CELF2: variants seen among roughly 807,000 people sequenced by gnomAD.
CELF2 encodes CUGBP Elav-like family member 2.
CELF2 carries 8 observed loss-of-function variants against 62.6 expected under a neutral mutation model. That is an observed-to-expected ratio of 0.13 (90% CI 0.07 to 0.23). The LOEUF is 0.23. Ranked by LOEUF, CELF2 falls within the 10% of genes least tolerant of loss-of-function variation. CELF2 has a pLI of 1.00. For synonymous variants in CELF2, 258 were observed against 250.0 expected (o/e 1.03, Z -0.30); for missense variants, 333 against 671.0 (o/e 0.50, Z 5.56).
the CELF2 span, among the ~76,000 whole-genome samples, chr10:10,563,607 CAAAAAAAA>C: frequency 4.6e-5 from 4 of 86,994 alleles, no homozygotes; most frequent in Non-Finnish European, 1.0e-4. Flanking sequence ...GACTGTGTCT[CAAAAAAAA>C]AAAAAAAAAA....
At chr10:10,841,095 G>T (rs1326253467) in intron 1 of CELF2, among the ~76,000 whole-genome samples, 1 of 152,084 alleles carries the variant, frequency 6.6e-6, no homozygotes, top group Non-Finnish European at 1.5e-5. Context: ...TGTCACTGAT[G>T]GGCATTTGGG....
In CELF2 at chr10:11,099,900, A is replaced by C. The variant is rs568722600; in HGVS notation, c.75-65586A>C. ...CAACAACAACAAAAAAAAAAAAAAA[A>C]AACAGAAAAAACAGCTTAAGCTGGG... On this transcript the variant is annotated intron_variant, in intron 1 of 12. Coordinates refer to ENST00000633077, the MANE Select transcript of CELF2 (RefSeq NM_001326342.2). Among the ~76,000 whole-genome samples, 290 of 150,026 alleles carry C rather than the reference A, an allele frequency of 1.9e-3. 4 individuals carry two copies. The highest frequency in any genetic ancestry group is 3.2e-3 in the Non-Finnish European group (220 of 67,756).
chr10:11,067,326 T>C lies in CELF2; in HGVS notation c.74+49163T>C, dbSNP rs2068440698. Among the ~76,000 whole-genome samples the C allele has an allele frequency of 2.6e-5, 4 of 152,216 alleles. No individual in the cohort carries two copies. The South Asian group carries it at 8.3e-4, about 31-fold the overall frequency. On this transcript the variant is annotated intron_variant, in intron 1 of 12. Transcript: ENST00000633077. ...AGCATTCTGATAGCCAGTGGAAATA[T>C]ATTTTTGAAGTGCCGGTAAAAGGCA...
Position 11,074,625 on chromosome 10 carries a change from C to T in CELF2, c.74+56462C>T, listed in dbSNP as rs141769602. On this transcript the variant is annotated intron_variant, in intron 1 of 12. Transcript: ENST00000633077. The stretch of plus-strand genomic sequence containing the variant: ...GAAAGATGCCCTTCATTCCTGTCTG[C>T]GACGGGGGACTGGTATTATTGGCAG... Among the ~76,000 whole-genome samples the T allele has an allele frequency of 2.0e-3, 309 of 152,234 alleles. 1 individual carries two copies. Among genetic ancestry groups the T allele is most frequent in the African/African-American group, 6.9e-3 (286 of 41,554 alleles).
Position 11,046,717 on chromosome 10 carries a change from C to A in CELF2, c.74+28554C>A, listed in dbSNP as rs185295957. On this transcript the variant is annotated intron_variant, in intron 1 of 12. Transcript: ENST00000633077. This position sits in a 1 kb window ranked among gnomAD's most constrained non-coding sequence, Gnocchi z 4.6. The stretch of plus-strand genomic sequence containing the variant: ...CCATACAGGAATGAGGATTCTCATA[C>A]CTCCCAAAGAGTTTTTGTAAATCCC... Among the ~76,000 whole-genome samples, 43 of 152,314 alleles carry A rather than the reference C, an allele frequency of 2.8e-4. No homozygotes were observed. The highest frequency in any genetic ancestry group is 4.0e-4 in the Non-Finnish European group (27 of 68,036).
chr10:11,217,644 C>G lies in CELF2; in HGVS notation c.354+137C>G. The G allele has an allele frequency of 1.8e-6, 1 of 564,200 alleles. No individual in the cohort carries two copies. Among genetic ancestry groups the G allele is most frequent in the Non-Finnish European group, 3.1e-6 (1 of 319,554 alleles). The allele number at this position is 564,200 out of a possible 1,614,324, so 34.9% of individuals were successfully genotyped here. On this transcript the variant is annotated intron_variant, in intron 3 of 12. Transcript: ENST00000633077. This position sits in a 1 kb window ranked among gnomAD's most constrained non-coding sequence, Gnocchi z 5.6. ...GGAGTGTGTGCTGACCCCCCAGTTC[C>G]CTGCAGCAGCCACACCAGCTGGCCA...
chr10:11,181,144 A>G (rs2073236479), intron 2 of CELF2, among the ~76,000 whole-genome samples: 1 of 152,224 alleles, frequency 6.6e-6, no homozygotes, highest in East Asian at 1.9e-4. Flanking sequence ...TGCTGGGATT[A>G]CAGGGGTAAG....
the CELF2 span, among the ~76,000 whole-genome samples, chr10:10,472,592 T>C: frequency 6.6e-6 from 1 of 151,952 alleles, no homozygotes; most frequent in Non-Finnish European, 1.5e-5. Flanking sequence ...CTCCTGTTTA[T>C]GGCCCATACT....
chr10:10,640,800 A>G, the CELF2 span, among the ~76,000 whole-genome samples: 1 of 152,234 alleles, frequency 6.6e-6, no homozygotes, highest in African/African-American at 2.4e-5. Flanking sequence ...TTAACATGAC[A>G]AAATCCTTGG....
chr10:11,160,232 A>G (rs1439117918), intron 1 of CELF2, among the ~76,000 whole-genome samples: 2 of 152,258 alleles, frequency 1.3e-5, no homozygotes, highest in Non-Finnish European at 2.9e-5. Context: ...TTGTTTTACA[A>G]GTGAGGAAAC....
Position 10,829,950 on chromosome 10 carries a change from G to T in CELF2, c.53+31133G>T, listed in dbSNP as rs1045630282. The stretch of plus-strand genomic sequence containing the variant: ...ACACAACTACCTTTTCCAAAATCCA[G>T]GCAGTAGCAACCTGTAACCCCCCTG... On this transcript the variant is annotated intron_variant, in intron 1 of 13. Transcript: ENST00000636488. Among the ~76,000 whole-genome samples the T allele has an allele frequency of 2.0e-5, 3 of 152,138 alleles. No individual in the cohort carries two copies. The South Asian group carries it at 6.2e-4, about 32-fold the overall frequency.
At position 11,011,775 on chromosome 10, in the gene CELF2, A is replaced by C. The variant is rs536269184; in HGVS notation, c.53+6335A>C. 6.6e-6 allele frequency among the ~76,000 whole-genome samples: 1 copy of C among 152,104 alleles called. No individual in the cohort carries two copies. Among genetic ancestry groups the C allele is most frequent in the African/African-American group, 2.4e-5 (1 of 41,412 alleles). ...AGAGAAAGAAAAAAAATTTCCCCTA[A>C]TGGACTTCATGGGAATTAGCATCAA... On this transcript the variant is annotated intron_variant, in intron 1 of 12. Coordinates refer to the CELF2 transcript ENST00000416382. The surrounding 1 kb of genome is among the most constrained non-coding windows in gnomAD (Gnocchi z 4.6).
intron 12 of CELF2, among the ~76,000 whole-genome samples, chr10:11,327,013 G>T (rs975763347): frequency 6.6e-6 from 1 of 152,142 alleles, no homozygotes; most frequent in Admixed American, 6.5e-5. Context: ...GGTCTAATTT[G>T]TGCTATCACC....
intron 4 of CELF2, among the ~76,000 whole-genome samples, chr10:11,253,815 G>A (rs1173759524): frequency 6.6e-6 from 1 of 152,112 alleles, no homozygotes; most frequent in Non-Finnish European, 1.5e-5. Flanking sequence ...ACTAATCACG[G>A]GGGACCCCAT....
chr10:11,164,572 T>C (rs2133305675), intron 1 of CELF2, among the ~76,000 whole-genome samples: 1 of 152,302 alleles, frequency 6.6e-6, no homozygotes, highest in East Asian at 1.9e-4. Context: ...GTGCAACATC[T>C]GGAAGTCAGA....
At chr10:10,539,184 T>C in the CELF2 span, among the ~76,000 whole-genome samples, 4 of 152,216 alleles carry the variant, frequency 2.6e-5, no homozygotes, top group Non-Finnish European at 4.4e-5. Context: ...GATTTAGAGA[T>C]GGTTTTGTCA....
chr10:11,167,947 C>T (rs1009768156), intron 2 of CELF2, among the ~76,000 whole-genome samples: 13 of 152,120 alleles, frequency 8.5e-5, no homozygotes, highest in African/African-American at 3.1e-4. Flanking sequence ...AGTGGAGATT[C>T]GGACATGGTC....
intron 1 of CELF2, among the ~76,000 whole-genome samples, chr10:11,099,924 G>A (rs947297211): frequency 6.6e-6 from 1 of 150,808 alleles, no homozygotes; most frequent in Non-Finnish European, 1.5e-5. Context: ...GCTTAAGCTG[G>A]GCGTGGTGGC....
chr10:11,330,029 C>T lies in CELF2; in HGVS notation c.*976C>T, dbSNP rs2095959776. The T allele has an allele frequency of 6.6e-6, 1 of 152,644 alleles. No homozygotes were observed. Among genetic ancestry groups the T allele is most frequent in the African/African-American group, 2.4e-5 (1 of 41,446 alleles). The allele number at this position is 152,644 out of a possible 1,614,324, so 9.5% of individuals were successfully genotyped here. A position where few individuals can be genotyped will look rare whatever the true frequency, so the allele number is the denominator to read the frequency against. On this transcript the variant is annotated 3_prime_UTR_variant, in exon 13 of 13. Transcript: ENST00000633077. The surrounding 1 kb of genome is among the most constrained non-coding windows in gnomAD (Gnocchi z 4.5). ...TCTAGCTAGAACCTTCTGAAGTAGT[C>T]TCTAGAGGAATTGTTCTAGGAATGG... is the stretch of plus-strand genomic sequence containing the variant.
Sources: allele counts gnomAD v4.1 joint callset (sites outside exome capture counted in the v4.1 genomes callset), GRCh38; gene constraint gnomAD v4.1.1; non-coding constraint Gnocchi (gnomAD v3.1); transcripts MANE v1.5; gene names NCBI Gene and HGNC (gene_info 2026-07-23, HGNC 2026-07-21).